The following BCL9 variants were observed in gnomAD, a reference collection of about 807,000 sequenced individuals.
BCL9 encodes the protein BCL9 transcription coactivator.
In BCL9, 25 loss-of-function variants were observed where a neutral mutation model predicts 88.5. That is an observed-to-expected ratio of 0.28 (90% CI 0.21 to 0.39). The LOEUF (loss-of-function observed/expected upper bound fraction) is 0.39. Among genes scored for constraint, BCL9 ranks in the 10% least tolerant of loss-of-function variants. The pLI, the probability that BCL9 is intolerant of heterozygous loss-of-function variation, is 1.00. For missense variants in BCL9, 1,817 were observed against 1,877.8 expected (o/e 0.97, Z 0.60); for synonymous variants, 711 against 673.3 (o/e 1.06, Z -0.87).
intron 1 of BCL9, among the ~76,000 whole-genome samples, chr1:147,547,212 T>C (rs1203500556): frequency 6.6e-6 from 1 of 152,154 alleles, no homozygotes; most frequent in African/African-American, 2.4e-5. Flanking sequence ...TGTGTGTGCA[T>C]ATATATTATA....
In BCL9 at chr1:147,613,116, A is replaced by G. The variant is rs782565357; in HGVS notation, c.287A>G (p.Lys96Arg). ...KNGAGNGAKG[K>R]GKRERSISAD... ...GGGGCTGGAAATGGTGCCAAGGGCA[A>G]GGGGAAAAGGGAGCGAAGTATTTCC... Residue 96 changes from lysine (K) to arginine (R), a missense_variant, in exon 5 of 10, where the codon AAG becomes AGG. Physicochemically the swap from Lys to Arg is conservative, Grantham distance 26. Coordinates refer to ENST00000234739, the MANE Select transcript of BCL9 (RefSeq NM_004326.4). 9.3e-6 allele frequency: 15 copies of G among 1,614,178 alleles called. No homozygotes were observed. Among genetic ancestry groups the G allele is most frequent in the Non-Finnish European group, 1.3e-5 (15 of 1,180,026 alleles).
At chr1:147,567,168 C>T (rs913365688) in intron 1 of BCL9, among the ~76,000 whole-genome samples, 1 of 152,134 alleles carries the variant, frequency 6.6e-6, no homozygotes, top group Non-Finnish European at 1.5e-5. Flanking sequence ...CCCTTCCCAA[C>T]CCTCCTTCTG....
At chr1:147,564,069 C>T (rs75523370) in intron 1 of BCL9, among the ~76,000 whole-genome samples, 2,123 of 152,204 alleles carry the variant, frequency 0.014, 59 homozygotes, top group African/African-American at 0.049. Context: ...TTCCTTCGAA[C>T]GTGGATGTGA....
At chr1:147,542,378 C>T (rs1438129844) in intron 1 of BCL9, among the ~76,000 whole-genome samples, 1 of 152,208 alleles carries the variant, frequency 6.6e-6, no homozygotes, top group Non-Finnish European at 1.5e-5. Flanking sequence ...GTGCCCCGTG[C>T]CTCAATTTCC....
At chr1:147,598,240 C>G (rs1657138285) in intron 1 of BCL9, among the ~76,000 whole-genome samples, 1 of 152,186 alleles carries the variant, frequency 6.6e-6, no homozygotes, top group Non-Finnish European at 1.5e-5. Context: ...TTCTATGCCC[C>G]AAACTTGACA....
At chr1:147,557,927 G>C (rs1185179070) in intron 1 of BCL9, among the ~76,000 whole-genome samples, 1 of 152,100 alleles carries the variant, frequency 6.6e-6, no homozygotes, top group Non-Finnish European at 1.5e-5. Flanking sequence ...CAGCCATTAT[G>C]CTAATTATTT....
At chr1:147,612,693 C>T (rs1658072355) in intron 4 of BCL9, among the ~76,000 whole-genome samples, 190 bp from the exon 5 acceptor site, 1 of 152,094 alleles carries the variant, frequency 6.6e-6, no homozygotes, top group Non-Finnish European at 1.5e-5. Flanking sequence ...CTGCTTGATC[C>T]TCCTCTCTGT....
At chr1:147,547,496 C>T (rs1417230254) in intron 1 of BCL9, among the ~76,000 whole-genome samples, 1 of 152,120 alleles carries the variant, frequency 6.6e-6, no homozygotes, top group African/African-American at 2.4e-5. Context: ...TTCAAGGTTG[C>T]TTTGACAGTA....
rs782485224 is a variant in BCL9 at position 147,615,842 on chromosome 1, C to T, written c.600C>T (p.Ile200=). The T allele has an allele frequency of 5.6e-6, 9 of 1,614,160 alleles. No homozygotes were observed. The highest frequency in any genetic ancestry group is 4.5e-5 in the East Asian group (2 of 44,876). Residue 200 remains isoleucine, a synonymous_variant, in exon 7 of 10, where the codon ATC becomes ATT. Transcript: ENST00000234739. The stretch of plus-strand genomic sequence containing the variant: ...TTTTGAAGGGCCAGGTTGAAACTAT[C>T]GTCTCTTTCCACATCCAGAACATTT... ...EAVLKGQVET[I]VSFHIQNISN...
intron 1 of BCL9, among the ~76,000 whole-genome samples, chr1:147,563,848 A>G (rs1655487796): frequency 6.6e-6 from 1 of 152,254 alleles, no homozygotes; most frequent in African/African-American, 2.4e-5. Context: ...GTTGTCACAC[A>G]TTATCTCATT....
rs1658467760 is a variant in BCL9, at chr1:147,619,253, C to G, written c.1098C>G (p.Leu366=). The change falls in exon 8 of 10, where the codon CTC becomes CTG. Residue 366 remains leucine (L), a synonymous_variant. Coordinates refer to ENST00000234739, the MANE Select transcript of BCL9 (RefSeq NM_004326.4). This position sits in a 1 kb window ranked among gnomAD's most constrained non-coding sequence, Gnocchi z 4.1. The stretch of plus-strand genomic sequence containing the variant: ...ACCGGGAGCGCTCCTTACAAACTCT[C>G]AGAGATATCCAGCGCATGCTTTTTC... The part of the protein sequence containing the change: ...LEHRERSLQT[L]RDIQRMLFPD... 1.2e-6 allele frequency: 2 copies of G among 1,614,150 alleles called. No individual in the cohort carries two copies. The highest frequency in any genetic ancestry group is 1.3e-5 in the African/African-American group (1 of 75,044).
At chr1:147,596,412 T>C (rs1458603029) in intron 1 of BCL9, among the ~76,000 whole-genome samples, 1 of 2,188 alleles carries the variant, frequency 4.6e-4, no homozygotes, top group Non-Finnish European at 1.1e-3. Context: ...CTTTTTTTTC[T>C]TTTCTTTTTT....
chr1:147,584,211 C>T (rs1553198929), intron 1 of BCL9, among the ~76,000 whole-genome samples: 1 of 152,018 alleles, frequency 6.6e-6, no homozygotes, highest in Non-Finnish European at 1.5e-5. Context: ...CCACACCCAG[C>T]TAATTTTGTA....
intron 6 of BCL9, 152 bp downstream of exon 6, chr1:147,614,768 C>T: frequency 1.3e-6 from 1 of 798,580 alleles, no homozygotes. Context: ...CCAGAGGCAA[C>T]CACTGATAAT....
chr1:147,562,196 C>T (rs1391110012), intron 1 of BCL9, among the ~76,000 whole-genome samples: 1 of 152,098 alleles, frequency 6.6e-6, no homozygotes, highest in Admixed American at 6.5e-5. Context: ...GGAGTGGTGG[C>T]GCATGCCTGT....
rs1418564764 is a variant in BCL9, at chr1:147,625,266, A to T, written c.*307A>T. The T allele has an allele frequency of 2.7e-6, 1 of 372,674 alleles. No individual in the cohort carries two copies. Among genetic ancestry groups the T allele is most frequent in the Non-Finnish European group, 4.9e-6 (1 of 203,936 alleles). The allele number at this position is 372,674 out of a possible 1,614,324, so 23.1% of individuals were successfully genotyped here. A position where few individuals can be genotyped will look rare whatever the true frequency, so the allele number is the denominator to read the frequency against. ...TGTGCTTTGAGAATTGCCATCGGTCATGTGTTGCACCGTTCTCTGTATGTT... is the reference window on the plus strand; with the variant it reads ...TGTGCTTTGAGAATTGCCATCGGTCTTGTGTTGCACCGTTCTCTGTATGTT... On this transcript the variant is annotated 3_prime_UTR_variant, in exon 10 of 10. Coordinates refer to ENST00000234739, the MANE Select transcript of BCL9 (RefSeq NM_004326.4).
At chr1:147,588,599 G>C (rs1656719901) in intron 1 of BCL9, among the ~76,000 whole-genome samples, 1 of 152,140 alleles carries the variant, frequency 6.6e-6, no homozygotes, top group African/African-American at 2.4e-5. Flanking sequence ...CCATGGGGCG[G>C]GGTGGGGCGA....
chr1:147,557,212 A>G (rs138226746), intron 1 of BCL9, among the ~76,000 whole-genome samples: 45 of 152,366 alleles, frequency 3.0e-4, no homozygotes, highest in South Asian at 6.2e-4. Context: ...CTAGCACAAA[A>G]TAACAGTGAC....
In BCL9 at chr1:147,619,769, C is replaced by T. The variant is rs1553204746; in HGVS notation, c.1614C>T (p.Ile538=). ...PGGTEPFSDG[I]NMPHSLPPRG... ...GTACAGAGCCATTTTCTGATGGTATCAACATGCCACATTCTCTGCCCCCGA... is the reference window on the plus strand; with the variant it reads ...GTACAGAGCCATTTTCTGATGGTATTAACATGCCACATTCTCTGCCCCCGA... Residue 538 remains isoleucine, a synonymous_variant, in exon 8 of 10, where the codon ATC becomes ATT. Transcript: ENST00000234739. This position sits in a 1 kb window ranked among gnomAD's most constrained non-coding sequence, Gnocchi z 4.1. The T allele has an allele frequency of 6.2e-7, 1 of 1,614,094 alleles. No homozygotes were observed.
Sources: gnomAD v4.1 joint callset for allele counts (sites outside exome capture counted in the v4.1 genomes callset) on GRCh38, gnomAD v4.1.1 for gene constraint, Gnocchi (gnomAD v3.1) non-coding constraint, MANE v1.5 for transcripts, NCBI Gene and HGNC (gene_info 2026-07-23, HGNC 2026-07-21) for gene names.